GPC6: variants seen among roughly 807,000 people sequenced by gnomAD.
GPC6 encodes glypican 6.
Under a neutral mutation model 55.2 loss-of-function variants are expected in GPC6, and 14 were observed. The observed-to-expected ratio is 0.25, with a 90% CI of 0.17 to 0.40. The LOEUF is 0.40. Among genes scored for constraint, GPC6 ranks in the 10% least tolerant of loss-of-function variants. The probability of loss-of-function intolerance (pLI) is 1.00; values close to 1 mark genes in which losing one functional copy is unlikely to be tolerated. For synonymous variants in GPC6, 278 were observed against 259.6 expected (o/e 1.07, Z -0.68); for missense variants, 641 against 708.5 (o/e 0.90, Z 1.08).
intron 1 of GPC6, among the ~76,000 whole-genome samples, chr13:93,398,614 G>A (rs1283918907): frequency 6.6e-6 from 1 of 152,112 alleles, no homozygotes; most frequent in African/African-American, 2.4e-5. Context: ...TATGGCATGT[G>A]TGGAATAATC....
intron 1 of GPC6, among the ~76,000 whole-genome samples, chr13:93,511,952 G>A (rs2139386231): frequency 6.6e-6 from 1 of 151,970 alleles, no homozygotes; most frequent in South Asian, 2.1e-4. Flanking sequence ...TATTTTAAAT[G>A]GGATTGCCTG....
At chr13:94,337,572 C>T (rs1322840140) in intron 6 of GPC6, among the ~76,000 whole-genome samples, 1 of 151,128 alleles carries the variant, frequency 6.6e-6, no homozygotes, top group African/African-American at 2.4e-5. Context: ...CTCAGCCTCC[C>T]AAGTAGCTGG....
intron 4 of GPC6, among the ~76,000 whole-genome samples, chr13:94,036,180 G>A (rs149446923): frequency 6.6e-6 from 1 of 152,108 alleles, no homozygotes; most frequent in Non-Finnish European, 1.5e-5. Flanking sequence ...ACTTATGGTT[G>A]TAACTCTTTA....
intron 6 of GPC6, among the ~76,000 whole-genome samples, chr13:94,343,886 A>G (rs1208481749): frequency 1.3e-5 from 2 of 152,030 alleles, no homozygotes; most frequent in African/African-American, 2.4e-5. Flanking sequence ...GTGTGTCATC[A>G]GGCCCAGCTA....
At chr13:93,346,307 A>C (rs1308113149) in intron 1 of GPC6, among the ~76,000 whole-genome samples, 2 of 152,216 alleles carry the variant, frequency 1.3e-5, no homozygotes, top group African/African-American at 2.4e-5. Flanking sequence ...TAAATGGGCA[A>C]GTGTAAAGCT....
intron 1 of GPC6, among the ~76,000 whole-genome samples, chr13:93,472,831 G>C (rs1019918757): frequency 2.0e-5 from 3 of 152,184 alleles, no homozygotes. Context: ...ATAGACAAGT[G>C]AAGGGTGAGC....
intron 1 of GPC6, among the ~76,000 whole-genome samples, chr13:93,265,506 G>GC (rs1877291902): frequency 6.6e-6 from 1 of 152,132 alleles, no homozygotes; most frequent in African/African-American, 2.4e-5. Context: ...ATTACCTTCA[G>GC]CCTGTGTGTA....
intron 1 of GPC6, among the ~76,000 whole-genome samples, chr13:93,344,243 A>C (rs1880358425): frequency 6.6e-6 from 1 of 152,054 alleles, no homozygotes; most frequent in Non-Finnish European, 1.5e-5. Flanking sequence ...TTGTTTTCTG[A>C]GTGGAAAATA....
chr13:93,783,877 T>G (rs1421944317), intron 2 of GPC6, among the ~76,000 whole-genome samples: 1 of 152,168 alleles, frequency 6.6e-6, no homozygotes, highest in Non-Finnish European at 1.5e-5. Flanking sequence ...TTCTTCAAAA[T>G]TTTTTCAAAT....
intron 4 of GPC6, among the ~76,000 whole-genome samples, chr13:94,123,586 C>T (rs1485479180): frequency 6.6e-6 from 1 of 151,950 alleles, no homozygotes; most frequent in Non-Finnish European, 1.5e-5. Flanking sequence ...CATGAGATAA[C>T]ATCTTATTTA....
chr13:93,416,245 C>T (rs1876690058), intron 1 of GPC6, among the ~76,000 whole-genome samples: 1 of 152,038 alleles, frequency 6.6e-6, no homozygotes, highest in Admixed American at 6.6e-5. Flanking sequence ...ATTTAATTTT[C>T]CAACAACTTG....
At chr13:94,164,081 G>T (rs1288292378) in intron 4 of GPC6, among the ~76,000 whole-genome samples, 1 of 152,128 alleles carries the variant, frequency 6.6e-6, no homozygotes, top group East Asian at 1.9e-4. Context: ...GCACTTACAA[G>T]ACTTTAGATC....
At chr13:93,467,921 A>T (rs1318246218) in intron 1 of GPC6, among the ~76,000 whole-genome samples, 2 of 151,980 alleles carry the variant, frequency 1.3e-5, no homozygotes, top group African/African-American at 4.8e-5. Context: ...TAACCTTCTA[A>T]GTGTTTGATG....
intron 6 of GPC6, among the ~76,000 whole-genome samples, chr13:94,374,161 G>A (rs937881587): frequency 6.6e-5 from 10 of 150,604 alleles, no homozygotes; most frequent in Non-Finnish European, 5.9e-5. Context: ...ATCAACTAAC[G>A]AGCAAAATCA....
chr13:93,806,934 C>A (rs1339149446), intron 2 of GPC6, among the ~76,000 whole-genome samples: 1 of 127,296 alleles, frequency 7.9e-6, no homozygotes, highest in African/African-American at 3.4e-5. Flanking sequence ...TAAAAGTAAA[C>A]CTTACCAATG....
At chr13:94,128,658 T>C (rs1886905768) in intron 4 of GPC6, among the ~76,000 whole-genome samples, 1 of 152,052 alleles carries the variant, frequency 6.6e-6, no homozygotes, top group Non-Finnish European at 1.5e-5. Flanking sequence ...GCCAGGACAA[T>C]TTACTTGGCC....
At chr13:93,876,551 A>AATGAG (rs530135825) in intron 3 of GPC6, among the ~76,000 whole-genome samples, 329 of 152,180 alleles carry the variant, frequency 2.2e-3, no homozygotes, top group African/African-American at 7.7e-3. Context: ...AGAGTTTCAG[A>AATGAG]ATGAGTTAAT....
intron 2 of GPC6, among the ~76,000 whole-genome samples, chr13:93,728,942 G>A (rs1445625478): frequency 6.6e-6 from 1 of 152,134 alleles, no homozygotes; most frequent in African/African-American, 2.4e-5. Flanking sequence ...CCAGAGAAGT[G>A]TATGAGTCAT....
chr13:93,330,825 A>C (rs928298028), intron 1 of GPC6, among the ~76,000 whole-genome samples: 1 of 152,192 alleles, frequency 6.6e-6, no homozygotes, highest in African/African-American at 2.4e-5. Context: ...TTTTATTTCT[A>C]ATCATACGCA....
Sources: gnomAD v4.1 joint callset for allele counts (sites outside exome capture counted in the v4.1 genomes callset) on GRCh38, gnomAD v4.1.1 for gene constraint, MANE v1.5 for transcripts, NCBI Gene and HGNC (gene_info 2026-07-23, HGNC 2026-07-21) for gene names.